The following IMPG1 variants were observed in gnomAD, a reference collection of about 807,000 sequenced individuals.
The protein encoded by IMPG1 is interphotoreceptor matrix proteoglycan of 150 kDa.
Under a neutral mutation model 92.0 loss-of-function variants are expected in IMPG1, and 85 were observed. The ratio of observed to expected loss-of-function variants is 0.92; its 90% CI spans 0.78 to 1.11. IMPG1 has a LOEUF of 1.11. Ranked by LOEUF, IMPG1 falls within the 50% of genes least tolerant of loss-of-function variation. The pLI, the probability that IMPG1 is intolerant of heterozygous loss-of-function variation, is 0.00. For missense variants in IMPG1, 1,022 were observed against 956.0 expected (o/e 1.07, Z -0.91); for synonymous variants, 367 against 334.1 (o/e 1.10, Z -1.08).
intron 1 of IMPG1, among the ~76,000 whole-genome samples, chr6:76,062,047 G>T (rs1296255609): frequency 1.3e-5 from 2 of 152,132 alleles, no homozygotes; most frequent in African/African-American, 2.4e-5. Context: ...TGTATATTCT[G>T]TATCTAGCAC....
At chr6:75,979,878 C>T (rs1250278837) in intron 12 of IMPG1, among the ~76,000 whole-genome samples, 2 of 152,102 alleles carry the variant, frequency 1.3e-5, no homozygotes, top group Non-Finnish European at 2.9e-5. Context: ...AAACCACAGG[C>T]CTTTGTGAGG....
At chr6:75,974,728 C>T (rs1347116849) in intron 12 of IMPG1, among the ~76,000 whole-genome samples, 2 of 152,012 alleles carry the variant, frequency 1.3e-5, no homozygotes, top group African/African-American at 4.8e-5. Context: ...GTTGGCCAGG[C>T]TGGTCTCAAA....
At chr6:76,062,923 A>G (rs1179305784) in intron 1 of IMPG1, among the ~76,000 whole-genome samples, 1 of 151,390 alleles carries the variant, frequency 6.6e-6, no homozygotes, top group African/African-American at 2.4e-5. Flanking sequence ...CCTTAGAAAG[A>G]AGACTTGGGG....
chr6:75,997,157 T>C (rs1782915417), intron 12 of IMPG1, among the ~76,000 whole-genome samples: 1 of 152,178 alleles, frequency 6.6e-6, no homozygotes, highest in Admixed American at 6.5e-5. Flanking sequence ...TGAGGTGAAA[T>C]TGGAAGTCTT....
At chr6:75,982,123 C>T (rs567387534) in intron 12 of IMPG1, among the ~76,000 whole-genome samples, 2 of 152,158 alleles carry the variant, frequency 1.3e-5, no homozygotes, top group East Asian at 1.9e-4. Flanking sequence ...AACATTAAGC[C>T]ATTAAAAATT....
At chr6:76,047,879 T>A (rs1053196477) in intron 1 of IMPG1, among the ~76,000 whole-genome samples, 2 of 152,248 alleles carry the variant, frequency 1.3e-5, no homozygotes, top group Admixed American at 1.3e-4. Flanking sequence ...CACAGTCATC[T>A]TATTAAAGAT....
At chr6:76,002,575 T>C (rs1426405054) in intron 12 of IMPG1, among the ~76,000 whole-genome samples, 1 of 152,186 alleles carries the variant, frequency 6.6e-6, no homozygotes, top group Non-Finnish European at 1.5e-5. Flanking sequence ...ACCTACCTTG[T>C]CCTCATGGAC....
intron 14 of IMPG1, among the ~76,000 whole-genome samples, chr6:75,937,129 T>G: frequency 6.6e-6 from 1 of 151,816 alleles, no homozygotes; most frequent in South Asian, 2.1e-4. Context: ...ATGGGGCAAA[T>G]GAAGAGGGGA....
chr6:76,003,189 A>G (rs761369009), intron 11 of IMPG1, among the ~76,000 whole-genome samples, 193 bp from the exon 12 acceptor site: 5 of 152,234 alleles, frequency 3.3e-5, no homozygotes, highest in Non-Finnish European at 5.9e-5. Flanking sequence ...ATACAGTGGT[A>G]AAATAAGATC....
intron 1 of IMPG1, among the ~76,000 whole-genome samples, chr6:76,055,571 A>C (rs1027527958): frequency 2.0e-5 from 3 of 151,844 alleles, no homozygotes; most frequent in Non-Finnish European, 4.4e-5. Flanking sequence ...AAAATGTGAA[A>C]GAGATCATAA....
intron 4 of IMPG1, 84 bp from the exon 5 acceptor site, chr6:76,025,342 T>G: frequency 2.9e-6 from 2 of 692,240 alleles, no homozygotes; most frequent in Non-Finnish European, 2.5e-6. Flanking sequence ...TTTCTTATAC[T>G]GAGTAAACCT....
chr6:75,924,214 C>T (rs1005786710), intron 15 of IMPG1, among the ~76,000 whole-genome samples: 11 of 150,302 alleles, frequency 7.3e-5, no homozygotes, highest in African/African-American at 2.5e-4. Context: ...ATAGGACTAC[C>T]ATATGATCGA....
intron 12 of IMPG1, among the ~76,000 whole-genome samples, chr6:75,972,567 C>T (rs757973740): frequency 2.6e-5 from 4 of 152,162 alleles, no homozygotes; most frequent in Non-Finnish European, 5.9e-5. Flanking sequence ...CCCTTGTTTA[C>T]CTGCCTCTAT....
Position 76,018,828 on chromosome 6 carries a change from C to T in IMPG1, c.697G>A (p.Glu233Lys), listed in dbSNP as rs763631660. ...ERETEFAVLE[E>K]QRVELSVSLV... The stretch of plus-strand genomic sequence containing the variant: ...GAGACGCTGAGCTCCACCCTCTGCT[C>T]CTCCAACACAGCGAATTCTGTTTCT... Residue 233 changes from glutamate to lysine, a missense_variant, in exon 7 of 17, where the codon GAG becomes AAG. Coordinates refer to ENST00000369950, the MANE Select transcript of IMPG1 (RefSeq NM_001563.4). The T allele has an allele frequency of 5.6e-6, 9 of 1,605,184 alleles. No homozygotes were observed. Among genetic ancestry groups the T allele is most frequent in the Non-Finnish European group, 6.8e-6 (8 of 1,176,638 alleles).
At chr6:76,054,315 T>A in intron 1 of IMPG1, among the ~76,000 whole-genome samples, 1 of 152,242 alleles carries the variant, frequency 6.6e-6, no homozygotes, top group Middle Eastern at 3.4e-3. Flanking sequence ...CTGGTAGGAA[T>A]TGGATTGCCT....
chr6:76,025,685 C>A (rs566531850), intron 4 of IMPG1, among the ~76,000 whole-genome samples: 17 of 152,136 alleles, frequency 1.1e-4, no homozygotes, highest in Non-Finnish European at 2.4e-4. Flanking sequence ...TTAAGCTTAT[C>A]TAATAAAGTA....
chr6:75,924,525 T>TAATATAATTAATATA lies in IMPG1; in HGVS notation c.2244-820_2244-819insTATATTAATTATATT, dbSNP rs1781492430. ...ATATAATATAATTAATATAATTATA[T>TAATATAATTAATATA]ATTATAATATAATTATATAATATAA... On this transcript the variant is annotated intron_variant, in intron 15 of 16. Transcript: ENST00000369950. Among the ~76,000 whole-genome samples, 6 of 73,418 alleles carry TAATATAATTAATATA rather than the reference T, an allele frequency of 8.2e-5. No homozygotes were observed. The East Asian group carries it at 2.3e-3, about 28-fold the overall frequency. The allele number at this position is 73,418 out of a possible 152,430, so 48.2% of individuals were successfully genotyped here.
chr6:75,926,236 G>C (rs763701004), intron 15 of IMPG1, among the ~76,000 whole-genome samples: 6 of 152,148 alleles, frequency 3.9e-5, no homozygotes, highest in Admixed American at 2.0e-4. Context: ...TAAAGTGATT[G>C]CTCAAATTAT....
chr6:76,066,781 A>T (rs1784317607), intron 1 of IMPG1, among the ~76,000 whole-genome samples: 1 of 152,156 alleles, frequency 6.6e-6, no homozygotes, highest in Non-Finnish European at 1.5e-5. Context: ...ACATTTTCCA[A>T]GAAAAACCGT....
Sources: gnomAD v4.1 joint callset for allele counts (sites outside exome capture counted in the v4.1 genomes callset) on GRCh38, gnomAD v4.1.1 for gene constraint, MANE v1.5 for transcripts, NCBI Gene and HGNC (gene_info 2026-07-23, HGNC 2026-07-21) for gene names.